SAR1A: variants seen among roughly 807,000 people sequenced by gnomAD.
The protein encoded by SAR1A is secretion associated Ras related GTPase 1A, also known as small COPII coat GTPase SAR1A.
SAR1A carries 6 observed loss-of-function variants against 22.6 expected under a neutral mutation model. The observed-to-expected ratio is 0.27, with a 90% CI of 0.15 to 0.52. SAR1A has a LOEUF of 0.52. Ranked by LOEUF, SAR1A falls within the 20% of genes least tolerant of loss-of-function variation. The pLI, the probability that SAR1A is intolerant of heterozygous loss-of-function variation, is 0.96. For synonymous variants in SAR1A, 70 were observed against 82.2 expected (o/e 0.85, Z 0.80); for missense variants, 145 against 245.1 (o/e 0.59, Z 2.73).
At position 70,152,088 on chromosome 10, in the gene SAR1A, C is replaced by A; in HGVS notation, c.*388G>T. On this transcript the variant is annotated 3_prime_UTR_variant, in exon 7 of 7. Coordinates refer to ENST00000373241, the MANE Select transcript of SAR1A (RefSeq NM_020150.5). ...AACTCTGGACCAAGTAAATTGTGAACTCAAAAAGTTAGGAGGGATACCAAT... is the reference window on the plus strand; with the variant it reads ...AACTCTGGACCAAGTAAATTGTGAAATCAAAAAGTTAGGAGGGATACCAAT... The A allele has an allele frequency of 1.3e-5, 3 of 223,534 alleles. No homozygotes were observed. Among genetic ancestry groups the A allele is most frequent in the Admixed American group, 5.1e-5 (1 of 19,724 alleles). 13.8% of individuals were successfully genotyped at this position (223,534 alleles called of 1,614,324 possible).
intron 5 of SAR1A, among the ~76,000 whole-genome samples, chr10:70,156,389 G>C (rs1839386418): frequency 6.6e-6 from 1 of 152,192 alleles, no homozygotes; most frequent in African/African-American, 2.4e-5. Context: ...TGGAGACCAT[G>C]CATGGTGGCT....
rs1250305127 is a variant in SAR1A, at chr10:70,161,077, A to T, written c.179-8T>A. 5 of 1,609,774 alleles carry T rather than the reference A, an allele frequency of 3.1e-6. No individual in the cohort carries two copies. ...TTGTTAGCTCTTCTGATGCTGAAAA[A>T]TTGTTTAAAAAGAAGAAAAAAACTT... On this transcript the variant is annotated splice_polypyrimidine_tract_variant and splice_region_variant and intron_variant, in intron 3 of 6. Transcript: ENST00000373241.
intron 1 of SAR1A, chr10:70,164,230 A>T (rs924927030): frequency 3.5e-6 from 2 of 575,056 alleles, no homozygotes; most frequent in Non-Finnish European, 6.4e-6. Flanking sequence ...GTCAAAAAAA[A>T]ATATGCATGT....
Position 70,161,176 on chromosome 10 carries a change from CAAG to C in SAR1A, c.179-110_179-108del, listed in dbSNP as rs1329078701. 6 of 856,412 alleles carry C rather than the reference CAAG, an allele frequency of 7.0e-6. No homozygotes were observed. In the South Asian group the frequency reaches 8.3e-5, roughly 12 times the overall value. The allele number at this position is 856,412 out of a possible 1,614,324, so 53.1% of individuals were successfully genotyped here. On this transcript the variant is annotated intron_variant, in intron 3 of 6. Coordinates refer to ENST00000373241, the MANE Select transcript of SAR1A (RefSeq NM_020150.5). ...CTTTCATCTTGTAAAGAAAAAGATA[CAAG>C]AAGTTGAGTGTGGTGGTACCCGCCT...
rs1839302347 is a variant in SAR1A, at chr10:70,149,547, A to ATTGTTTTTT, written c.*2928_*2929insAAAAAACAA. The ATTGTTTTTT allele has an allele frequency of 1.5e-5, 1 of 68,036 alleles. No individual in the cohort carries two copies. The highest frequency in any genetic ancestry group is 2.5e-5 in the Non-Finnish European group (1 of 40,706). 4.2% of individuals were successfully genotyped at this position (68,036 alleles called of 1,614,324 possible). A position where few individuals can be genotyped will look rare whatever the true frequency, so the allele number is the denominator to read the frequency against. ...TTTTGCCAAATGTAGCATTTAATTG[A>ATTGTTTTTT]TTTTTTTTTTTTTTTTTTTTTTGAG... On this transcript the variant is annotated 3_prime_UTR_variant, in exon 7 of 7. Coordinates refer to ENST00000373241, the MANE Select transcript of SAR1A (RefSeq NM_020150.5).
chr10:70,158,344 C>T (rs1429549609), intron 4 of SAR1A, among the ~76,000 whole-genome samples: 1 of 152,172 alleles, frequency 6.6e-6, no homozygotes, highest in Non-Finnish European at 1.5e-5. Context: ...ACTTTAGTCC[C>T]AGTTAGTTTC....
intron 1 of SAR1A, among the ~76,000 whole-genome samples, chr10:70,165,657 G>A (rs1036034396): frequency 6.6e-6 from 1 of 152,186 alleles, no homozygotes; most frequent in Non-Finnish European, 1.5e-5. Context: ...TTTTTGAGAT[G>A]GAATCTAGTC....
At chr10:70,157,713 C>A (rs770227142) in intron 5 of SAR1A, 51 bp downstream of exon 5, 2 of 1,410,872 alleles carry the variant, frequency 1.4e-6, no homozygotes, top group Non-Finnish European at 9.9e-7. Context: ...AAATAGAGGC[C>A]AAAAAAGAAC....
chr10:70,163,576 T>C (rs1436121557), intron 1 of SAR1A: 2 of 588,126 alleles, frequency 3.4e-6, no homozygotes, highest in Non-Finnish European at 6.1e-6. Flanking sequence ...ATTTACCATT[T>C]TGAAAATCCT....
chr10:70,164,713 T>C (rs754880395), intron 1 of SAR1A, among the ~76,000 whole-genome samples: 3 of 152,222 alleles, frequency 2.0e-5, no homozygotes, highest in Non-Finnish European at 4.4e-5. Context: ...AAGTTGTGTA[T>C]TTGTTTTCCA....
chr10:70,152,304 G>A lies in SAR1A; in HGVS notation c.*172C>T, dbSNP rs1839335486. ...GGCAGCATTACCTCCCAACAGTGTG[G>A]AGAAGAGCACATGTCACCACTGGGC... is the stretch of plus-strand genomic sequence containing the variant. On this transcript the variant is annotated 3_prime_UTR_variant, in exon 7 of 7. Transcript: ENST00000373241. 1.1e-6 allele frequency: 1 copy of A among 945,588 alleles called. No homozygotes were observed. The highest frequency in any genetic ancestry group is 1.6e-5 in the African/African-American group (1 of 61,664). 58.6% of individuals were successfully genotyped at this position (945,588 alleles called of 1,614,324 possible).
chr10:70,168,792 C>T (rs1168208184), intron 1 of SAR1A, among the ~76,000 whole-genome samples: 1 of 151,982 alleles, frequency 6.6e-6, no homozygotes, highest in Non-Finnish European at 1.5e-5. Context: ...TCCAAAGAGT[C>T]GGGTTGCACT....
At position 70,161,602 on chromosome 10, in the gene SAR1A, G is replaced by C. The variant is rs759514335; in HGVS notation, c.178+17C>G. ...ACCTTTAAAGATCAAAAGGTCACCT[G>C]ATATTTTCAAACCTACTCGGATGTA... On this transcript the variant is annotated intron_variant, in intron 3 of 6. Transcript: ENST00000373241. 2.5e-6 allele frequency: 4 copies of C among 1,611,684 alleles called. No homozygotes were observed. In the African/African-American group the frequency reaches 5.3e-5, roughly 22 times the overall value.
Position 70,161,637 on chromosome 10 carries a change from C to A in SAR1A, c.160G>T (p.Val54Phe), listed in dbSNP as rs760412600. Residue 54 changes from valine (V) to phenylalanine (F), a missense_variant, in exon 3 of 7, where the codon GTT (valine) becomes TTT (phenylalanine). Coordinates refer to ENST00000373241, the MANE Select transcript of SAR1A (RefSeq NM_020150.5). ...AACCTACTCGGATGTAGTGTTGGAA[C>A]ATGTTGGCCCAATCTGTCATCTTTG... ...MLKDDRLGQH[V>F]PTLHPTSEEL... The A allele has an allele frequency of 3.2e-5, 52 of 1,612,168 alleles. No homozygotes were observed. The highest frequency in any genetic ancestry group is 4.0e-5 in the African/African-American group (3 of 74,856).
chr10:70,162,585 TGGA>T (rs916934077), intron 1 of SAR1A: 49 of 151,992 alleles, frequency 3.2e-4, no homozygotes, highest in African/African-American at 1.0e-3. Flanking sequence ...TTTTGCAATC[TGGA>T]GGAGAGTCTA....
rs1259850289 is a variant in SAR1A, at chr10:70,149,592, G to C, written c.*2884C>G. Reference sequence around the variant, plus strand: ...TTTGAGCTAGAGAGAGTCTTGCTCTGTCACCCAGGCAGGAGTACAGTGGCA... The same window carrying C: ...TTTGAGCTAGAGAGAGTCTTGCTCTCTCACCCAGGCAGGAGTACAGTGGCA... On this transcript the variant is annotated 3_prime_UTR_variant, in exon 7 of 7. Transcript: ENST00000373241. The C allele has an allele frequency of 2.8e-5, 3 of 105,484 alleles. No individual in the cohort carries two copies. The highest frequency in any genetic ancestry group is 5.1e-5 in the Non-Finnish European group (3 of 58,860). 6.5% of individuals were successfully genotyped at this position (105,484 alleles called of 1,614,324 possible). A position where few individuals can be genotyped will look rare whatever the true frequency, so the allele number is the denominator to read the frequency against.
intron 4 of SAR1A, among the ~76,000 whole-genome samples, chr10:70,160,325 G>T (rs559774458): frequency 2.8e-4 from 42 of 151,794 alleles, no homozygotes; most frequent in African/African-American, 8.2e-4. Flanking sequence ...AGAGTAAAGG[G>T]GCATGATATG....
intron 1 of SAR1A, among the ~76,000 whole-genome samples, chr10:70,168,947 T>C (rs2136725757): frequency 6.6e-6 from 1 of 152,170 alleles, no homozygotes; most frequent in East Asian, 1.9e-4. Flanking sequence ...CACCTCAGCC[T>C]CCTCAGCAGC....
intron 1 of SAR1A, chr10:70,166,762 G>T (rs776949807): frequency 1.3e-5 from 2 of 148,536 alleles, no homozygotes; most frequent in Non-Finnish European, 3.0e-5. Flanking sequence ...TGAGGTGGGG[G>T]ATTCCTCCCT....
Sources: allele counts gnomAD v4.1 joint callset (sites outside exome capture counted in the v4.1 genomes callset), GRCh38; gene constraint gnomAD v4.1.1; transcripts MANE v1.5; gene names NCBI Gene and HGNC (gene_info 2026-07-23, HGNC 2026-07-21).